The following ATRNL1 variants were observed in gnomAD, a reference collection of about 807,000 sequenced individuals.
The protein encoded by ATRNL1 is attractin like 1, also known as attractin-like protein 1.
In ATRNL1, 95 loss-of-function variants were observed where a neutral mutation model predicts 182.7. That is an observed-to-expected ratio of 0.52 (90% CI 0.44 to 0.62). The LOEUF is 0.62. Ranked by LOEUF, ATRNL1 falls within the 20% of genes least tolerant of loss-of-function variation. The pLI is 0.00. For missense variants in ATRNL1, 1,471 were observed against 1,679.5 expected (o/e 0.88, Z 2.17); for synonymous variants, 576 against 568.3 (o/e 1.01, Z -0.19).
At chr10:115,889,860 G>A (rs934414066) in intron 28 of ATRNL1, among the ~76,000 whole-genome samples, 1 of 152,154 alleles carries the variant, frequency 6.6e-6, no homozygotes, top group Non-Finnish European at 1.5e-5. Context: ...GGAAACACTT[G>A]TAGAATTTTG....
intron 26 of ATRNL1, among the ~76,000 whole-genome samples, chr10:115,617,142 G>A (rs1041154712): frequency 1.3e-5 from 2 of 152,314 alleles, no homozygotes; most frequent in East Asian, 3.9e-4. Flanking sequence ...CAAGACCTTG[G>A]GAGCCCACCT....
At chr10:115,396,866 T>C (rs972274254) in intron 20 of ATRNL1, among the ~76,000 whole-genome samples, 1 of 151,964 alleles carries the variant, frequency 6.6e-6, no homozygotes, top group Admixed American at 6.6e-5. Flanking sequence ...AATAGAGTTA[T>C]AAGATTTGGC....
intron 26 of ATRNL1, among the ~76,000 whole-genome samples, chr10:115,564,747 T>C (rs1490285251): frequency 1.3e-5 from 2 of 151,966 alleles, no homozygotes; most frequent in Non-Finnish European, 2.9e-5. Flanking sequence ...CAGGGCTTTT[T>C]TGTGTGTGTA....
intron 28 of ATRNL1, among the ~76,000 whole-genome samples, chr10:115,890,013 A>G (rs113543470): frequency 6.6e-6 from 1 of 152,200 alleles, no homozygotes; most frequent in Non-Finnish European, 1.5e-5. Context: ...GACAACAGCC[A>G]CAAAGTACCT....
chr10:115,329,041 C>G (rs1197826332), intron 18 of ATRNL1, among the ~76,000 whole-genome samples: 3 of 151,898 alleles, frequency 2.0e-5, no homozygotes, highest in Non-Finnish European at 4.4e-5. Flanking sequence ...GAGAAACCTC[C>G]AACTGTTTTT....
At chr10:115,712,180 A>G (rs1947082386) in intron 26 of ATRNL1, among the ~76,000 whole-genome samples, 1 of 152,202 alleles carries the variant, frequency 6.6e-6, no homozygotes, top group Admixed American at 6.5e-5. Flanking sequence ...ATATTAGTTC[A>G]ATGCCAAGCC....
rs184016077 is a variant in ATRNL1, at chr10:115,569,690, C to G, written c.3795+20154C>G. Among the ~76,000 whole-genome samples, 24 of 152,012 alleles carry G rather than the reference C, an allele frequency of 1.6e-4. No individual in the cohort carries two copies. In the East Asian group the frequency reaches 3.9e-3, roughly 24 times the overall value. On this transcript the variant is annotated intron_variant, in intron 26 of 28. Transcript: ENST00000355044. ...TCTTTTTATTCTTTATTTCTAGAAG[C>G]TCTTTAACCTTGAGTAGGATAACTG...
intron 15 of ATRNL1, among the ~76,000 whole-genome samples, chr10:115,297,562 G>A (rs1853261906): frequency 1.3e-5 from 2 of 151,240 alleles, no homozygotes; most frequent in African/African-American, 2.4e-5. Context: ...GGAGAATGGC[G>A]TGAACCCAGG....
chr10:115,561,704 G>GGGGTGTGTGT (rs1554999765), intron 26 of ATRNL1, among the ~76,000 whole-genome samples: 21,804 of 144,998 alleles, frequency 0.15, 2,028 homozygotes, highest in Non-Finnish European at 0.21. Flanking sequence ...TGTGTGTGTG[G>GGGGTGTGTGT]GTGTGTGTGT....
intron 27 of ATRNL1, among the ~76,000 whole-genome samples, chr10:115,833,478 C>T (rs1950602497): frequency 6.6e-6 from 1 of 152,102 alleles, no homozygotes; most frequent in African/African-American, 2.4e-5. Context: ...TCAGAAGATA[C>T]AGGCTAAGTT....
chr10:115,133,129 T>C (rs1264785), intron 5 of ATRNL1, among the ~76,000 whole-genome samples: 53,847 of 152,026 alleles, frequency 0.35, 10,067 homozygotes, highest in African/African-American at 0.47. Context: ...GGAAGAGATC[T>C]AGTTTCAGCC....
At chr10:115,519,992 A>G (rs1376989283) in intron 25 of ATRNL1, among the ~76,000 whole-genome samples, 4 of 152,148 alleles carry the variant, frequency 2.6e-5, no homozygotes, top group African/African-American at 9.7e-5. Context: ...TATCTGTGTT[A>G]TGAGATCGTA....
At chr10:115,186,004 T>TA (rs782696742) in intron 8 of ATRNL1, among the ~76,000 whole-genome samples, 1 of 152,032 alleles carries the variant, frequency 6.6e-6, no homozygotes, top group Non-Finnish European at 1.5e-5. Context: ...ATTCTGCCAT[T>TA]ATAGGGTGAA....
rs138753243 is a variant in ATRNL1, at chr10:115,221,985, C to T, written c.1532+6105C>T. On this transcript the variant is annotated intron_variant, in intron 9 of 28. Coordinates refer to ENST00000355044, the MANE Select transcript of ATRNL1 (RefSeq NM_207303.4). Reference sequence around the variant, plus strand: ...AAAAAGCTCGGAAGAAGATAAGATACGAAAAAACAACATCCGTTAGAAACA... The same window carrying T: ...AAAAAGCTCGGAAGAAGATAAGATATGAAAAAACAACATCCGTTAGAAACA... 8.3e-3 allele frequency among the ~76,000 whole-genome samples: 1,260 copies of T among 151,058 alleles called. 18 individuals carry two copies. The highest frequency in any genetic ancestry group is 0.025 in the African/African-American group (1,049 of 41,226).
At chr10:115,757,320 T>C (rs1948616519) in intron 27 of ATRNL1, among the ~76,000 whole-genome samples, 1 of 152,198 alleles carries the variant, frequency 6.6e-6, no homozygotes, top group South Asian at 2.1e-4. Flanking sequence ...CCATGTGTAG[T>C]ACTTCCTTCA....
chr10:115,916,001 C>T (rs1156618425), intron 28 of ATRNL1, among the ~76,000 whole-genome samples: 1 of 152,208 alleles, frequency 6.6e-6, no homozygotes, highest in Admixed American at 6.5e-5. Context: ...ATGGGAGTTA[C>T]AGACTCAGAG....
At chr10:115,764,449 T>C (rs577811324) in intron 27 of ATRNL1, among the ~76,000 whole-genome samples, 2 of 152,318 alleles carry the variant, frequency 1.3e-5, no homozygotes, top group East Asian at 3.9e-4. Flanking sequence ...AAAAATTCTC[T>C]GTACTCTGCC....
chr10:115,400,487 T>C (rs1844513260), intron 20 of ATRNL1, among the ~76,000 whole-genome samples: 1 of 152,120 alleles, frequency 6.6e-6, no homozygotes, highest in South Asian at 2.1e-4. Context: ...ATTCAGGTCC[T>C]GAATATCTTT....
chr10:115,202,871 T>A (rs2144318514), intron 8 of ATRNL1, among the ~76,000 whole-genome samples: 1 of 147,664 alleles, frequency 6.8e-6, no homozygotes, highest in Non-Finnish European at 1.5e-5. Context: ...CTGGACTCTT[T>A]TTGGTTGGTA....
Sources: allele counts gnomAD v4.1 joint callset (sites outside exome capture counted in the v4.1 genomes callset), GRCh38; gene constraint gnomAD v4.1.1; transcripts MANE v1.5; gene names NCBI Gene and HGNC (gene_info 2026-07-23, HGNC 2026-07-21).